Variants in NDRG4 observed in about 807,000 individuals in gnomAD.
NDRG4 encodes NDRG family member 4.
In NDRG4, 38 loss-of-function variants were observed where a neutral mutation model predicts 55.8. That is an observed-to-expected ratio of 0.68 (90% CI 0.53 to 0.89). The LOEUF (loss-of-function observed/expected upper bound fraction) is 0.89, where lower values mean the gene tolerates loss of function less well. NDRG4 is among the 40% of genes least tolerant of loss of function. NDRG4 has a pLI of 0.00. For missense variants in NDRG4, 455 were observed against 468.6 expected (o/e 0.97, Z 0.27); for synonymous variants, 190 against 182.7 (o/e 1.04, Z -0.32).
At chr16:58,474,366 TC>T (rs1206782142) in intron 1 of NDRG4, among the ~76,000 whole-genome samples, 1 of 152,128 alleles carries the variant, frequency 6.6e-6, no homozygotes, top group Non-Finnish European at 1.5e-5. Context: ...CGGCTTCCTT[TC>T]GTTTGCTCAA....
intron 1 of NDRG4, among the ~76,000 whole-genome samples, chr16:58,485,931 A>T (rs1196468225): frequency 6.6e-6 from 1 of 152,064 alleles, no homozygotes; most frequent in Non-Finnish European, 1.5e-5. Flanking sequence ...CTTATAGATA[A>T]ATTATTTGTT....
downstream of NDRG4, among the ~76,000 whole-genome samples, chr16:58,514,408 G>A (rs1042932489): frequency 1.3e-5 from 2 of 152,124 alleles, no homozygotes; most frequent in Non-Finnish European, 2.9e-5. Flanking sequence ...TTTCGCAGGT[G>A]AGGAGACTAA....
intron 1 of NDRG4, among the ~76,000 whole-genome samples, chr16:58,482,143 C>A (rs2034473757): frequency 6.6e-6 from 1 of 152,158 alleles, no homozygotes; most frequent in African/African-American, 2.4e-5. Context: ...CGGACCCCTC[C>A]CCCAGGGTAG....
At chr16:58,507,346 T>C in intron 8 of NDRG4, 1 of 427,354 alleles carries the variant, frequency 2.3e-6, no homozygotes, top group Non-Finnish European at 4.3e-6. Context: ...AGAGGTCGGA[T>C]GAGCCTGTGG....
intron 2 of NDRG4, among the ~76,000 whole-genome samples, chr16:58,489,308 T>C (rs1483255731): frequency 2.0e-5 from 3 of 151,870 alleles, no homozygotes; most frequent in Non-Finnish European, 4.4e-5. Flanking sequence ...AAATAAGCCA[T>C]GTCACTTCTC....
rs1383376156 is a variant in NDRG4, at chr16:58,504,409, T to C, written c.299T>C (p.Val100Ala). Residue 100 changes from valine (V) to alanine (A), a missense_variant, in exon 4 of 15, where the codon GTG (valine) becomes GCG (alanine). By Grantham distance (64) the Val-to-Ala change is moderately conservative. Transcript: ENST00000570248. ...EQLAAMLPSV[V>A]QHFGFKYVIG... ...CTGGCTGCCATGCTCCCCAGCGTGGTGCAGCATTTCGGGTGAGTCCCCGCA... is the reference window on the plus strand; with the variant it reads ...CTGGCTGCCATGCTCCCCAGCGTGGCGCAGCATTTCGGGTGAGTCCCCGCA... 1.2e-6 allele frequency: 2 copies of C among 1,612,580 alleles called. No individual in the cohort carries two copies. Among genetic ancestry groups the C allele is most frequent in the African/African-American group, 2.7e-5 (2 of 75,050 alleles).
chr16:58,468,749 C>T (rs2032212225), intron 1 of NDRG4, among the ~76,000 whole-genome samples: 1 of 152,138 alleles, frequency 6.6e-6, no homozygotes. Context: ...CAAGATGATA[C>T]TTGTGAGGGA....
chr16:58,488,855 C>G (rs2035440388), intron 2 of NDRG4, among the ~76,000 whole-genome samples: 1 of 152,178 alleles, frequency 6.6e-6, no homozygotes, highest in Non-Finnish European at 1.5e-5. Flanking sequence ...ATAAGCTGCC[C>G]TGGTGGGGTG....
downstream of NDRG4, among the ~76,000 whole-genome samples, chr16:58,514,046 C>T (rs2039043582): frequency 2.0e-5 from 3 of 152,208 alleles, no homozygotes; most frequent in Admixed American, 1.3e-4. Flanking sequence ...AATCTCTTGC[C>T]TGAGTCACTA....
At chr16:58,479,828 G>T (rs750074728) in intron 1 of NDRG4, among the ~76,000 whole-genome samples, 1 of 152,204 alleles carries the variant, frequency 6.6e-6, no homozygotes, top group African/African-American at 2.4e-5. Context: ...ATTGTTTCAC[G>T]TGCATTTCTC....
intron 1 of NDRG4, among the ~76,000 whole-genome samples, chr16:58,503,482 A>G (rs2037425768): frequency 6.6e-6 from 1 of 152,164 alleles, no homozygotes; most frequent in East Asian, 1.9e-4. Flanking sequence ...GGGCTGCTGC[A>G]AGATGGAGAA....
chr16:58,502,273 C>T (rs1436145600), intron 1 of NDRG4: 1 of 335,006 alleles, frequency 3.0e-6, no homozygotes, highest in Non-Finnish European at 6.0e-6. Flanking sequence ...TGATGGGCCC[C>T]GAGAAAGGAT....
At chr16:58,508,881 A>C in intron 10 of NDRG4, 81 bp from the exon 11 acceptor site, 2 of 1,514,836 alleles carry the variant, frequency 1.3e-6, no homozygotes. Context: ...CTCCTCCCCG[A>C]GCTTGGGGCA....
chr16:58,486,700 TACACAC>T (rs56119933), intron 1 of NDRG4, among the ~76,000 whole-genome samples: 16,308 of 127,920 alleles, frequency 0.13, 1,217 homozygotes, highest in Middle Eastern at 0.18. Context: ...CACTGGCTCC[TACACAC>T]ACACACACAC....
Position 58,512,373 on chromosome 16 carries a change from G to A in NDRG4, c.*797G>A. The stretch of plus-strand genomic sequence containing the variant: ...AAGGAGGAGAGAGCCCATGTGTGGT[G>A]TGTGTGCCCCTGAGAACTTCGTGGT... On this transcript the variant is annotated 3_prime_UTR_variant, in exon 15 of 15. Coordinates refer to ENST00000570248, the MANE Select transcript of NDRG4 (RefSeq NM_001242835.2). 3.3e-6 allele frequency: 1 copy of A among 303,572 alleles called. No homozygotes were observed. The highest frequency in any genetic ancestry group is 1.2e-3 in the Middle Eastern group (1 of 804). 18.8% of individuals were successfully genotyped at this position (303,572 alleles called of 1,614,324 possible).
Position 58,504,217 on chromosome 16 carries a change from T to C in NDRG4, c.191T>C (p.Val64Ala). 1 of 1,614,178 alleles carries C rather than the reference T, an allele frequency of 6.2e-7. No homozygotes were observed. Among genetic ancestry groups the C allele is most frequent in the Non-Finnish European group, 8.5e-7 (1 of 1,180,024 alleles). The change falls in exon 3 of 15, where the codon GTG becomes GCG. Residue 64 changes from valine (V) to alanine (A), a missense_variant. Physicochemically the swap from Val to Ala is moderately conservative, Grantham distance 64. Transcript: ENST00000570248. ...EDMQEITKHF[V>A]VCHVDAPGQQ... ...ATGCAGGAGATCACCAAGCACTTTGTGGTGTGTCACGTGGATGCCCCTGGA... is the reference window on the plus strand; with the variant it reads ...ATGCAGGAGATCACCAAGCACTTTGCGGTGTGTCACGTGGATGCCCCTGGA...
rs2038681962 is a variant in NDRG4, at chr16:58,510,642, T to C, written c.866-3T>C. On this transcript the variant is annotated splice_region_variant and splice_polypyrimidine_tract_variant and intron_variant, in intron 13 of 14. Transcript: ENST00000570248. Reference sequence around the variant, plus strand: ...CCCTCTCCGGCTCTGTCTTCTCTCTTAGTTGCGTACTTGAAGGACCGAAGG... The same window carrying C: ...CCCTCTCCGGCTCTGTCTTCTCTCTCAGTTGCGTACTTGAAGGACCGAAGG... The C allele has an allele frequency of 2.6e-6, 4 of 1,536,060 alleles. No homozygotes were observed. Among genetic ancestry groups the C allele is most frequent in the South Asian group, 1.2e-5 (1 of 84,060 alleles).
chr16:58,492,421 C>CA (rs2035882245), intron 2 of NDRG4, among the ~76,000 whole-genome samples: 1 of 152,098 alleles, frequency 6.6e-6, no homozygotes, highest in Admixed American at 6.5e-5. Context: ...TCCCCTCCCA[C>CA]ACCCTTCATC....
intron 1 of NDRG4, among the ~76,000 whole-genome samples, chr16:58,478,365 G>A (rs939160381): frequency 1.3e-5 from 2 of 149,988 alleles, no homozygotes; most frequent in African/African-American, 4.9e-5. Context: ...CTCCAGCCTG[G>A]GCGACAATAT....
Sources: gnomAD v4.1 joint callset for allele counts (sites outside exome capture counted in the v4.1 genomes callset) on GRCh38, gnomAD v4.1.1 for gene constraint, MANE v1.5 for transcripts, NCBI Gene and HGNC (gene_info 2026-07-23, HGNC 2026-07-21) for gene names.